The following NPAS3 variants were observed in gnomAD, a reference collection of about 807,000 sequenced individuals.
NPAS3 encodes neuronal PAS domain protein 3.
In NPAS3, 14 loss-of-function variants were observed where a neutral mutation model predicts 73.1. The observed-to-expected ratio is 0.19, with a 90% CI of 0.13 to 0.30. The LOEUF is 0.30. NPAS3 is among the 10% of genes least tolerant of loss of function. The probability of loss-of-function intolerance (pLI) is 1.00; values close to 1 mark genes in which losing one functional copy is unlikely to be tolerated. For synonymous variants in NPAS3, 620 were observed against 541.5 expected, an observed-to-expected ratio of 1.14 and a Z score of -2.01; for missense variants, 1,096 against 1,250.0, an observed-to-expected ratio of 0.88 and a Z score of 1.86.
intron 2 of NPAS3, chr14:33,214,959 C>T: frequency 1.8e-6 from 1 of 551,280 alleles, no homozygotes; most frequent in Non-Finnish European, 3.2e-6. Flanking sequence ...AAGTAAAACA[C>T]AATTTTTACT....
intron 2 of NPAS3, among the ~76,000 whole-genome samples, chr14:33,107,354 CA>C (rs1302248214): frequency 1.3e-5 from 2 of 151,258 alleles, no homozygotes; most frequent in African/African-American, 4.9e-5. Context: ...ATCACCCAGG[CA>C]GGGTAGTGAG....
chr14:33,768,799 T>C (rs545227080), intron 7 of NPAS3, among the ~76,000 whole-genome samples: 2 of 152,304 alleles, frequency 1.3e-5, no homozygotes, highest in African/African-American at 4.8e-5. Context: ...CAATATTCCT[T>C]TCATTTTAAA....
At chr14:33,431,064 G>A (rs973902892) in intron 4 of NPAS3, among the ~76,000 whole-genome samples, 1 of 152,320 alleles carries the variant, frequency 6.6e-6, no homozygotes, top group South Asian at 2.1e-4. Context: ...TAAAATGCAC[G>A]TGGGAAATGC....
chr14:33,202,874 A>C (rs1342331191), intron 2 of NPAS3, among the ~76,000 whole-genome samples: 1 of 152,194 alleles, frequency 6.6e-6, no homozygotes, highest in East Asian at 1.9e-4. Context: ...GGCAGCTTGC[A>C]ATTAATTTTC....
chr14:33,773,983 C>T (rs146458589), intron 7 of NPAS3, among the ~76,000 whole-genome samples: 623 of 152,218 alleles, frequency 4.1e-3, no homozygotes, highest in Non-Finnish European at 6.2e-3. Flanking sequence ...AGACAGATGT[C>T]GTCCATTAAT....
chr14:33,215,670 A>G (rs977876379), intron 3 of NPAS3: 4 of 673,240 alleles, frequency 5.9e-6, no homozygotes, highest in Admixed American at 2.5e-5. Flanking sequence ...AAGATTTCAG[A>G]GAAATGAAAA....
In NPAS3 at chr14:33,631,948, T is replaced by C. The variant is rs146726516; in HGVS notation, c.559-44263T>C. Among the ~76,000 whole-genome samples, 237 of 152,294 alleles carry C rather than the reference T, an allele frequency of 1.6e-3. 1 individual carries two copies. The highest frequency in any genetic ancestry group is 1.9e-3 in the Non-Finnish European group (130 of 68,026). On this transcript the variant is annotated intron_variant, in intron 5 of 11. Transcript: ENST00000356141. ...CATGTGTTGCATGAAAAAGGTCTCTTTGGGGCACTGAATCCTCTTCCTTGC... is the reference window on the plus strand; with the variant it reads ...CATGTGTTGCATGAAAAAGGTCTCTCTGGGGCACTGAATCCTCTTCCTTGC...
intron 2 of NPAS3, among the ~76,000 whole-genome samples, chr14:33,166,174 C>T (rs2045139031): frequency 6.6e-6 from 1 of 152,142 alleles, no homozygotes; most frequent in Admixed American, 6.5e-5. Flanking sequence ...GTTCAATTTG[C>T]TGCTGTCATC....
chr14:33,402,058 G>A (rs1176172117), intron 4 of NPAS3, among the ~76,000 whole-genome samples: 1 of 152,034 alleles, frequency 6.6e-6, no homozygotes, highest in East Asian at 1.9e-4. Flanking sequence ...GAAAATCCAT[G>A]GCCATTTTCA....
At chr14:33,357,655 T>C (rs978898858) in intron 3 of NPAS3, among the ~76,000 whole-genome samples, 3 of 152,342 alleles carry the variant, frequency 2.0e-5, no homozygotes, top group Admixed American at 1.3e-4. Flanking sequence ...CTCTAGAGTG[T>C]TCGCTCATTC....
At chr14:33,139,996 C>G (rs7155070) in intron 2 of NPAS3, among the ~76,000 whole-genome samples, 150,153 of 151,974 alleles carry the variant, frequency 0.99, 74,199 homozygotes, top group African/African-American at 1. Flanking sequence ...TCATTTTTTA[C>G]GCTACTTTGC....
chr14:33,075,571 A>G (rs1242495188), intron 2 of NPAS3, among the ~76,000 whole-genome samples: 3 of 152,210 alleles, frequency 2.0e-5, no homozygotes, highest in African/African-American at 7.2e-5. Flanking sequence ...CCTGGCTGGC[A>G]GTTATCTGCA....
chr14:33,264,240 G>A (rs1421702407), intron 3 of NPAS3, among the ~76,000 whole-genome samples: 1 of 152,026 alleles, frequency 6.6e-6, no homozygotes. Context: ...CATGGACACA[G>A]GAAGGGGAAC....
At chr14:33,320,361 G>A (rs2043387365) in intron 3 of NPAS3, among the ~76,000 whole-genome samples, 1 of 152,024 alleles carries the variant, frequency 6.6e-6, no homozygotes, top group African/African-American at 2.4e-5. Flanking sequence ...TTCTTAGAAG[G>A]ATTCCAACAT....
At chr14:33,160,537 T>C in intron 2 of NPAS3, among the ~76,000 whole-genome samples, 1 of 150,548 alleles carries the variant, frequency 6.6e-6, no homozygotes, top group African/African-American at 2.4e-5. Flanking sequence ...ATATACCTAA[T>C]GTAAATGACG....
chr14:33,706,790 T>G (rs1566448137), intron 6 of NPAS3, among the ~76,000 whole-genome samples: 1 of 152,152 alleles, frequency 6.6e-6, no homozygotes, highest in Non-Finnish European at 1.5e-5. Flanking sequence ...AGCCCAAAGT[T>G]GCACAGCTAG....
intron 3 of NPAS3, among the ~76,000 whole-genome samples, chr14:33,348,951 G>A (rs1177185019): frequency 1.3e-5 from 2 of 152,118 alleles, no homozygotes; most frequent in African/African-American, 4.8e-5. Flanking sequence ...TCCTACTTGA[G>A]TTTTCACTTT....
At chr14:33,342,829 T>C (rs1470402669) in intron 3 of NPAS3, among the ~76,000 whole-genome samples, 1 of 152,148 alleles carries the variant, frequency 6.6e-6, no homozygotes, top group East Asian at 1.9e-4. Context: ...TCAATGAGAA[T>C]GATATGATTT....
chr14:33,238,661 C>G, intron 3 of NPAS3, among the ~76,000 whole-genome samples: 1 of 151,890 alleles, frequency 6.6e-6, no homozygotes, highest in East Asian at 1.9e-4. Flanking sequence ...GAAATGAAAA[C>G]CAAGTTTAAT....
Sources: gnomAD v4.1 joint callset for allele counts (sites outside exome capture counted in the v4.1 genomes callset) on GRCh38, gnomAD v4.1.1 for gene constraint, MANE v1.5 for transcripts, NCBI Gene and HGNC (gene_info 2026-07-23, HGNC 2026-07-21) for gene names.